BMPER: variants seen among roughly 807,000 people sequenced by gnomAD.
BMPER encodes the protein BMP binding endothelial regulator, also known as BMP-binding endothelial regulator protein.
In BMPER, 45 loss-of-function variants were observed where a neutral mutation model predicts 87.3. That is an observed-to-expected ratio of 0.52 (90% CI 0.41 to 0.66). The LOEUF (loss-of-function observed/expected upper bound fraction) is 0.66. Ranked by LOEUF, BMPER falls within the 30% of genes least tolerant of loss-of-function variation. The pLI is 0.00. For synonymous variants in BMPER, 326 were observed against 316.2 expected, an observed-to-expected ratio of 1.03 and a Z score of -0.33; for missense variants, 784 against 867.5, an observed-to-expected ratio of 0.90 and a Z score of 1.21.
At chr7:34,125,724 T>A (rs2127990360) in intron 13 of BMPER, among the ~76,000 whole-genome samples, 1 of 152,310 alleles carries the variant, frequency 6.6e-6, no homozygotes, top group East Asian at 1.9e-4. Context: ...CTGATTATGC[T>A]CCTTTGCAAG....
chr7:34,065,513 C>T (rs984854868), intron 11 of BMPER, among the ~76,000 whole-genome samples: 1 of 152,130 alleles, frequency 6.6e-6, no homozygotes, highest in Admixed American at 6.5e-5. Context: ...GAGGAAACAG[C>T]ATGGGTGAAT....
chr7:33,984,923 G>A (rs1007427722), intron 6 of BMPER, among the ~76,000 whole-genome samples: 1 of 152,096 alleles, frequency 6.6e-6, no homozygotes, highest in African/African-American at 2.4e-5. Context: ...TAAACTATCT[G>A]TCCATTCCTC....
chr7:34,118,973 A>ATCTCTC (rs150887903), intron 13 of BMPER, among the ~76,000 whole-genome samples: 4 of 127,726 alleles, frequency 3.1e-5, no homozygotes, highest in African/African-American at 1.1e-4. Flanking sequence ...ATTCCTTAAA[A>ATCTCTC]TCTCTCTCTC....
intron 6 of BMPER, among the ~76,000 whole-genome samples, chr7:34,017,791 A>G (rs1036672399): frequency 6.6e-6 from 1 of 151,874 alleles, no homozygotes; most frequent in Non-Finnish European, 1.5e-5. Flanking sequence ...CTGCTGGTCC[A>G]TGCTTTAGGA....
At chr7:34,125,254 T>G (rs1790371953) in intron 13 of BMPER, among the ~76,000 whole-genome samples, 1 of 152,190 alleles carries the variant, frequency 6.6e-6, no homozygotes, top group Non-Finnish European at 1.5e-5. Context: ...TGGCTTTCTA[T>G]GGGCTGTCCT....
chr7:34,151,254 C>G (rs947540485), intron 14 of BMPER, among the ~76,000 whole-genome samples: 2 of 152,118 alleles, frequency 1.3e-5, no homozygotes, highest in Non-Finnish European at 2.9e-5. Context: ...TGTTTCATAA[C>G]AGCTTTATTT....
chr7:33,969,217 C>G (rs1293162197), intron 4 of BMPER, among the ~76,000 whole-genome samples: 1 of 151,998 alleles, frequency 6.6e-6, no homozygotes, highest in Non-Finnish European at 1.5e-5. Flanking sequence ...GCCACCCATC[C>G]CATCACAGAC....
At chr7:33,974,050 TCTGCCC>T (rs1308991392) in intron 5 of BMPER, among the ~76,000 whole-genome samples, 1 of 152,200 alleles carries the variant, frequency 6.6e-6, no homozygotes, top group Non-Finnish European at 1.5e-5. Flanking sequence ...CTGTCCTGCC[TCTGCCC>T]CTTCTTGCCT....
chr7:34,076,456 T>C (rs546111401), intron 11 of BMPER, among the ~76,000 whole-genome samples: 1 of 152,296 alleles, frequency 6.6e-6, no homozygotes, highest in Admixed American at 6.5e-5. Context: ...TTAACATAGT[T>C]AAAATTATCC....
intron 13 of BMPER, 95 bp downstream of exon 13, chr7:34,086,187 C>T: frequency 7.1e-7 from 1 of 1,401,292 alleles, no homozygotes; most frequent in Non-Finnish European, 9.8e-7. Flanking sequence ...TTGTGCAGGA[C>T]AAAGGCTCAA....
chr7:34,032,577 T>C (rs1478375331), intron 6 of BMPER, among the ~76,000 whole-genome samples: 1 of 152,168 alleles, frequency 6.6e-6, no homozygotes, highest in African/African-American at 2.4e-5. Flanking sequence ...GATTCGTAGC[T>C]TTTTGCTTAT....
chr7:33,918,343 G>A (rs1784135899), intron 2 of BMPER, among the ~76,000 whole-genome samples: 1 of 152,194 alleles, frequency 6.6e-6, no homozygotes, highest in African/African-American at 2.4e-5. Flanking sequence ...AGCGCCATTT[G>A]TGCCAAGATA....
chr7:34,094,418 A>G (rs1789474617), intron 13 of BMPER, among the ~76,000 whole-genome samples: 1 of 152,182 alleles, frequency 6.6e-6, no homozygotes, highest in South Asian at 2.1e-4. Flanking sequence ...GCAGGAAAAG[A>G]CTGTGTGGGG....
intron 3 of BMPER, among the ~76,000 whole-genome samples, chr7:33,938,174 G>C (rs1784657986): frequency 6.6e-6 from 1 of 152,146 alleles, no homozygotes; most frequent in Non-Finnish European, 1.5e-5. Flanking sequence ...CCGTGTATGT[G>C]TCAATAGCGC....
chr7:34,082,328 G>GTTTTTTTTTTTTTTTTT, intron 12 of BMPER, among the ~76,000 whole-genome samples: 1 of 116,442 alleles, frequency 8.6e-6, no homozygotes, highest in Non-Finnish European at 1.7e-5. Context: ...CAACTTATTA[G>GTTTTTTTTTTTTTTTTT]TTTTTTTTTT....
chr7:34,146,068 C>A (rs891082757), intron 14 of BMPER, among the ~76,000 whole-genome samples: 2 of 152,092 alleles, frequency 1.3e-5, no homozygotes, highest in African/African-American at 4.8e-5. Flanking sequence ...CACACGCACA[C>A]ACACACATTA....
intron 6 of BMPER, among the ~76,000 whole-genome samples, chr7:33,987,628 C>G (rs974159263): frequency 6.6e-6 from 1 of 152,106 alleles, no homozygotes; most frequent in African/African-American, 2.4e-5. Flanking sequence ...TATAAGTGAC[C>G]AGGAGTCAGC....
intron 13 of BMPER, among the ~76,000 whole-genome samples, chr7:34,127,445 T>C (rs543059497): frequency 6.6e-6 from 1 of 152,260 alleles, no homozygotes; most frequent in South Asian, 2.1e-4. Flanking sequence ...GCAGCCACAC[T>C]GGCTATTTAC....
intron 13 of BMPER, among the ~76,000 whole-genome samples, chr7:34,138,611 T>A (rs1790784315): frequency 6.6e-6 from 1 of 152,158 alleles, no homozygotes; most frequent in South Asian, 2.1e-4. Context: ...GGAAACCATT[T>A]CTAGATACAT....
Sources: allele counts gnomAD v4.1 joint callset (sites outside exome capture counted in the v4.1 genomes callset), GRCh38; gene constraint gnomAD v4.1.1; transcripts MANE v1.5; gene names NCBI Gene and HGNC (gene_info 2026-07-23, HGNC 2026-07-21).